NEBL: variants seen among roughly 807,000 people sequenced by gnomAD.
The protein encoded by NEBL is nebulette.
In NEBL, 122 loss-of-function variants were observed where a neutral mutation model predicts 140.2. That is an observed-to-expected ratio of 0.87 (90% CI 0.75 to 1.01). The LOEUF (loss-of-function observed/expected upper bound fraction) is 1.01. NEBL is among the 50% of genes least tolerant of loss of function. NEBL has a pLI of 0.00. For synonymous variants in NEBL, 436 were observed against 398.9 expected, an observed-to-expected ratio of 1.09 and a Z score of -1.11; for missense variants, 1,365 against 1,231.3, an observed-to-expected ratio of 1.11 and a Z score of -1.62.
chr10:21,251,445 A>G (rs1842588130), intron 2 of NEBL, among the ~76,000 whole-genome samples: 1 of 152,120 alleles, frequency 6.6e-6, no homozygotes, highest in African/African-American at 2.4e-5. Flanking sequence ...TTTAATATTA[A>G]GATTTTCTCA....
chr10:21,100,795 G>A (rs568114787), intron 2 of NEBL, among the ~76,000 whole-genome samples: 3 of 152,258 alleles, frequency 2.0e-5, no homozygotes, highest in East Asian at 1.9e-4. Context: ...CTGTGAAAAA[G>A]TGGAAATGAA....
At chr10:20,951,089 G>GAGAATA (rs1301162876) in intron 4 of NEBL, among the ~76,000 whole-genome samples, 1 of 152,052 alleles carries the variant, frequency 6.6e-6, no homozygotes, top group Non-Finnish European at 1.5e-5. Context: ...GGGCAATATA[G>GAGAATA]GCAAACCTTA....
rs768530554 is a variant in NEBL at position 20,850,330 on chromosome 10, C to G, written c.1116+65G>C. 299 of 1,274,268 alleles carry G rather than the reference C, an allele frequency of 2.3e-4. 1 individual carries two copies. The highest frequency in any genetic ancestry group is 3.4e-4 in the South Asian group (29 of 84,234). The allele number at this position is 1,274,268 out of a possible 1,614,324, so 78.9% of individuals were successfully genotyped here. ...CCTTCCAGACCCACTGAACATTCTGCGTCCTTTCAAATGACAAAACATCAA... is the reference window on the plus strand; with the variant it reads ...CCTTCCAGACCCACTGAACATTCTGGGTCCTTTCAAATGACAAAACATCAA... On this transcript the variant is annotated intron_variant, in intron 11 of 27. Transcript: ENST00000377122.
At chr10:21,030,316 T>G in intron 2 of NEBL, 1 of 657,744 alleles carries the variant, frequency 1.5e-6, no homozygotes, top group Non-Finnish European at 2.7e-6. Flanking sequence ...GGACAGGAAG[T>G]GAGTCATCGC....
intron 3 of NEBL, among the ~76,000 whole-genome samples, chr10:20,970,987 A>G (rs1836544990): frequency 6.6e-6 from 1 of 152,272 alleles, no homozygotes; most frequent in African/African-American, 2.4e-5. Flanking sequence ...TAGGATGCCA[A>G]AAGATTTGCA....
intron 3 of NEBL, 45 bp from the exon 4 acceptor site, chr10:20,888,252 AT>A (rs1846708275): frequency 4.2e-6 from 5 of 1,185,928 alleles, no homozygotes; most frequent in East Asian, 2.4e-5. Flanking sequence ...ATAAACTTCC[AT>A]TTTTTTAAAC....
intron 12 of NEBL, among the ~76,000 whole-genome samples, chr10:20,844,502 T>C (rs1265395156): frequency 6.8e-6 from 1 of 146,550 alleles, no homozygotes; most frequent in Non-Finnish European, 1.5e-5. Context: ...TTTTTGACCA[T>C]TTAAAAAACA....
At chr10:20,902,675 C>T (rs181321342) in intron 4 of NEBL, among the ~76,000 whole-genome samples, 33 of 152,204 alleles carry the variant, frequency 2.2e-4, no homozygotes, top group Non-Finnish European at 4.3e-4. Context: ...TGAAAGTCTT[C>T]GGTTTCATTT....
In NEBL at chr10:20,935,873, A is replaced by C. The variant is rs564934850; in HGVS notation, c.357+25799T>G. ...TATAGGCCCAACTTCCACTCTTATC[A>C]CTGGAAGTTCTATAATGGACATTAG... is the stretch of plus-strand genomic sequence containing the variant. On this transcript the variant is annotated intron_variant, in intron 4 of 6. Coordinates refer to the NEBL transcript ENST00000417816. Among the ~76,000 whole-genome samples the C allele has an allele frequency of 7.2e-5, 11 of 152,246 alleles. 1 individual carries two copies. Among genetic ancestry groups the C allele is most frequent in the African/African-American group, 2.6e-4 (11 of 41,532 alleles).
Position 21,277,488 on chromosome 10 carries a change from G to T in NEBL, n.182+15342C>A, listed in dbSNP as rs1247814947. ...GCCTCTCAAAGTGCTGGGATTACAG[G>T]CATAAGCCACTGTGCCTGGCCCAAA... On this transcript the variant is annotated intron_variant and non_coding_transcript_variant, in intron 1 of 8. Transcript: ENST00000675702. Among the ~76,000 whole-genome samples the T allele has an allele frequency of 2.0e-5, 3 of 152,040 alleles. No homozygotes were observed. In the East Asian group the frequency reaches 5.8e-4, roughly 29 times the overall value.
intron 4 of NEBL, among the ~76,000 whole-genome samples, chr10:20,957,377 T>C (rs573396731): frequency 1.3e-5 from 2 of 152,350 alleles, no homozygotes; most frequent in Admixed American, 1.3e-4. Flanking sequence ...CTTTTTGGTA[T>C]ACTTTTTTAA....
chr10:21,252,996 T>G (rs1842606191), intron 1 of NEBL, among the ~76,000 whole-genome samples: 1 of 152,054 alleles, frequency 6.6e-6, no homozygotes, highest in Admixed American at 6.6e-5. Context: ...GCATGGCTGC[T>G]AACGCCTGTA....
intron 3 of NEBL, among the ~76,000 whole-genome samples, chr10:20,979,243 C>G (rs1836933796): frequency 6.6e-6 from 1 of 151,918 alleles, no homozygotes; most frequent in South Asian, 2.1e-4. Flanking sequence ...AAGAGCAAGA[C>G]CTTGTCTCTA....
intron 3 of NEBL, among the ~76,000 whole-genome samples, chr10:21,223,844 A>G (rs1842107302): frequency 6.6e-6 from 1 of 152,186 alleles, no homozygotes; most frequent in Non-Finnish European, 1.5e-5. Flanking sequence ...TCTTTTGAGA[A>G]ATGTCTATTC....
chr10:20,852,732 T>C, intron 9 of NEBL, 83 bp from the exon 10 acceptor site: 2 of 1,177,496 alleles, frequency 1.7e-6, no homozygotes, highest in South Asian at 1.3e-5. Context: ...AACTGCACAT[T>C]ACAAGCCACC....
At position 20,840,762 on chromosome 10, in the gene NEBL, G is replaced by T; in HGVS notation, c.1315C>A (p.Arg439=). 1 of 1,610,520 alleles carries T rather than the reference G, an allele frequency of 6.2e-7. No homozygotes were observed. Among genetic ancestry groups the T allele is most frequent in the Non-Finnish European group, 8.5e-7 (1 of 1,177,448 alleles). ...ACCTCACTTGCCATTTCAGAGGCTCGCTTTGCTCTTTGGATATCAAGAACT... is the reference window on the plus strand; with the variant it reads ...ACCTCACTTGCCATTTCAGAGGCTCTCTTTGCTCTTTGGATATCAAGAACT... ...SEVLDIQRAK[R]ASEMASEKEY... is the part of the protein sequence containing the mutation. The change falls in exon 13 of 28, where the codon CGA becomes AGA. Residue 439 remains arginine, a synonymous_variant. Transcript: ENST00000377122.
chr10:20,818,219 G>C (rs2130819956), intron 20 of NEBL, among the ~76,000 whole-genome samples: 1 of 143,882 alleles, frequency 7.0e-6, no homozygotes, highest in Non-Finnish European at 1.5e-5. Flanking sequence ...AAAGGTACTT[G>C]TTTTGGAAAA....
intron 1 of NEBL, among the ~76,000 whole-genome samples, chr10:21,254,645 G>A (rs112526902): frequency 6.6e-5 from 10 of 152,254 alleles, no homozygotes; most frequent in South Asian, 4.1e-4. Flanking sequence ...GAACATGCAC[G>A]TGTTGTTGGG....
intron 2 of NEBL, among the ~76,000 whole-genome samples, chr10:21,140,022 G>A (rs1051939010): frequency 4.6e-5 from 7 of 151,208 alleles, no homozygotes; most frequent in Admixed American, 1.3e-4. Context: ...AAAATTAGGC[G>A]TGGTTTCAGG....
Sources: gnomAD v4.1 joint callset for allele counts (sites outside exome capture counted in the v4.1 genomes callset) on GRCh38, gnomAD v4.1.1 for gene constraint, MANE v1.5 for transcripts, NCBI Gene and HGNC (gene_info 2026-07-23, HGNC 2026-07-21) for gene names.